The following CCDC178 variants were observed in gnomAD, a reference collection of about 807,000 sequenced individuals.
CCDC178 encodes coiled-coil domain containing 178.
Under a neutral mutation model 117.4 loss-of-function variants are expected in CCDC178, and 126 were observed. The observed-to-expected ratio is 1.07, with a 90% CI of 0.93 to 1.24. The LOEUF is 1.24. CCDC178 is among the 50% of genes most tolerant of loss of function. The probability of loss-of-function intolerance (pLI) is 0.00; values close to 1 mark genes in which losing one functional copy is unlikely to be tolerated. For synonymous variants in CCDC178, 283 were observed against 313.4 expected (o/e 0.90, Z 1.02); for missense variants, 1,030 against 986.9 (o/e 1.04, Z -0.59).
intron 20 of CCDC178, among the ~76,000 whole-genome samples, chr18:33,117,276 C>A (rs1490259806): frequency 1.3e-5 from 2 of 152,066 alleles, no homozygotes; most frequent in African/African-American, 2.4e-5. Context: ...CTTTTCTCAA[C>A]CACGCCTGGC....
intron 11 of CCDC178, among the ~76,000 whole-genome samples, chr18:33,304,043 A>T (rs149399822): frequency 1.3e-5 from 2 of 152,306 alleles, no homozygotes; most frequent in African/African-American, 4.8e-5. Context: ...ATCAGCTAGG[A>T]ATAGTGCATT....
chr18:33,039,927 C>T (rs901594849), intron 21 of CCDC178, among the ~76,000 whole-genome samples: 7 of 151,802 alleles, frequency 4.6e-5, no homozygotes, highest in Non-Finnish European at 7.4e-5. Flanking sequence ...ACTACAATTG[C>T]TGACTTAATA....
chr18:33,140,464 C>T (rs1406785106), intron 20 of CCDC178, among the ~76,000 whole-genome samples: 2 of 152,212 alleles, frequency 1.3e-5, no homozygotes, highest in South Asian at 2.1e-4. Context: ...GAGAACCCAC[C>T]TCTTGCATCA....
At chr18:33,412,863 T>C (rs1423015650) in intron 2 of CCDC178, among the ~76,000 whole-genome samples, 1 of 152,166 alleles carries the variant, frequency 6.6e-6, no homozygotes, top group East Asian at 1.9e-4. Context: ...TTAAGTGAAA[T>C]GTCTCTTAAT....
At chr18:32,952,565 C>T (rs945828442) in intron 22 of CCDC178, among the ~76,000 whole-genome samples, 4 of 152,176 alleles carry the variant, frequency 2.6e-5, no homozygotes, top group African/African-American at 9.7e-5. Flanking sequence ...GTCCATTAAT[C>T]ATTTTTCCCT....
chr18:33,066,749 G>A (rs1440837917), intron 21 of CCDC178, among the ~76,000 whole-genome samples: 4 of 152,048 alleles, frequency 2.6e-5, no homozygotes, highest in South Asian at 2.1e-4. Context: ...CTGTAGAAAC[G>A]GACAAAGAAG....
intron 12 of CCDC178, 118 bp downstream of exon 12, chr18:33,293,041 C>A: frequency 1.6e-6 from 1 of 627,184 alleles, no homozygotes; most frequent in Non-Finnish European, 2.7e-6. Context: ...CTAATACAGG[C>A]AAATTGGCTA....
rs181917983 is a variant in CCDC178 at position 33,115,540 on chromosome 18, C to T, written c.2239-22630G>A. On this transcript the variant is annotated intron_variant, in intron 20 of 22. Coordinates refer to ENST00000383096, the MANE Select transcript of CCDC178 (RefSeq NM_001105528.4). ...AATTTTTTTTCAGCCATAGCGTCTA[C>T]AGTCAAATACTGACTACAGTTTTAG... Among the ~76,000 whole-genome samples, 14 of 152,132 alleles carry T rather than the reference C, an allele frequency of 9.2e-5. No individual in the cohort carries two copies. In the East Asian group the frequency reaches 1.6e-3, roughly 17 times the overall value.
Position 32,937,964 on chromosome 18 carries a change from CTT to C in CCDC178, c.*45_*46del, listed in dbSNP as rs757847663. 1.1e-5 allele frequency: 16 copies of C among 1,416,574 alleles called. No homozygotes were observed. Among genetic ancestry groups the C allele is most frequent in the Non-Finnish European group, 1.5e-5 (15 of 1,001,250 alleles). The allele number at this position is 1,416,574 out of a possible 1,614,324, so 87.8% of individuals were successfully genotyped here. ...TTACACTGTTATCTGAACTGTGTGA[CTT>C]TTCTTGTCTTTTATTTCAGCATCCA... On this transcript the variant is annotated 3_prime_UTR_variant, in exon 23 of 23. Coordinates refer to ENST00000383096, the MANE Select transcript of CCDC178 (RefSeq NM_001105528.4).
At chr18:33,347,191 T>C (rs1358242548) in intron 8 of CCDC178, among the ~76,000 whole-genome samples, 1 of 152,108 alleles carries the variant, frequency 6.6e-6, no homozygotes, top group Non-Finnish European at 1.5e-5. Context: ...AAATGTTATA[T>C]AAACACATAA....
intron 9 of CCDC178, among the ~76,000 whole-genome samples, chr18:33,338,051 G>T (rs1315910191): frequency 6.6e-6 from 1 of 151,876 alleles, no homozygotes; most frequent in Non-Finnish European, 1.5e-5. Flanking sequence ...ACTCAAATCA[G>T]CCAGAAAAAA....
intron 2 of CCDC178, among the ~76,000 whole-genome samples, chr18:33,428,827 TA>T (rs371647607): frequency 0.01 from 1,233 of 119,926 alleles, 4 homozygotes; most frequent in South Asian, 0.023. Flanking sequence ...TGAAAAAAAG[TA>T]AAAAAAAAAA....
At chr18:33,318,601 G>A (rs1167382392) in intron 11 of CCDC178, among the ~76,000 whole-genome samples, 1 of 152,092 alleles carries the variant, frequency 6.6e-6, no homozygotes, top group African/African-American at 2.4e-5. Flanking sequence ...TGGGACCAAG[G>A]AAATTGTTTG....
intron 21 of CCDC178, among the ~76,000 whole-genome samples, chr18:33,025,140 T>C (rs1379890908): frequency 6.6e-6 from 1 of 152,180 alleles, no homozygotes; most frequent in Non-Finnish European, 1.5e-5. Context: ...GTGGACTTTG[T>C]TGTAGGGATT....
At chr18:33,428,816 G>T (rs1360440771) in intron 2 of CCDC178, among the ~76,000 whole-genome samples, 1 of 149,444 alleles carries the variant, frequency 6.7e-6, no homozygotes, top group Non-Finnish European at 1.5e-5. Flanking sequence ...GGTTCCTAGG[G>T]TGAAAAAAAG....
At chr18:33,303,455 T>G (rs1461272419) in intron 11 of CCDC178, among the ~76,000 whole-genome samples, 1 of 152,194 alleles carries the variant, frequency 6.6e-6, no homozygotes, top group Admixed American at 6.5e-5. Flanking sequence ...CCATAGAATG[T>G]ACATCATGAG....
At chr18:33,359,159 T>C (rs9946976) in intron 6 of CCDC178, among the ~76,000 whole-genome samples, 50 of 151,952 alleles carry the variant, frequency 3.3e-4, no homozygotes, top group African/African-American at 1.2e-3. Flanking sequence ...AATTGTGATA[T>C]AATTATCCAA....
At chr18:33,190,974 T>C (rs1372432885) in intron 20 of CCDC178, among the ~76,000 whole-genome samples, 4 of 152,176 alleles carry the variant, frequency 2.6e-5, no homozygotes, top group Non-Finnish European at 5.9e-5. Flanking sequence ...TCTCACTTGC[T>C]CATATTATCT....
intron 21 of CCDC178, among the ~76,000 whole-genome samples, chr18:33,000,815 G>A (rs1028105901): frequency 2.0e-5 from 3 of 152,126 alleles, no homozygotes; most frequent in Non-Finnish European, 4.4e-5. Context: ...TACAAGAAAT[G>A]CTAAGGAAGT....
Sources: allele counts gnomAD v4.1 joint callset (sites outside exome capture counted in the v4.1 genomes callset), GRCh38; gene constraint gnomAD v4.1.1; transcripts MANE v1.5; gene names NCBI Gene and HGNC (gene_info 2026-07-23, HGNC 2026-07-21).